Variants in C10orf67 observed in about 807,000 individuals in gnomAD.
The protein encoded by C10orf67 is uncharacterized protein C10orf67, mitochondrial.
In C10orf67, 60 loss-of-function variants were observed where a neutral mutation model predicts 35.6. That is an observed-to-expected ratio of 1.68 (90% CI 1.37 to 2.09). The LOEUF is 2.09. Ranked by LOEUF, C10orf67 falls within the 30% of genes most tolerant of loss-of-function variation. The pLI is 0.00. For missense variants in C10orf67, 474 were observed against 330.2 expected (o/e 1.44, Z -3.38); for synonymous variants, 167 against 115.8 (o/e 1.44, Z -2.84).
chr10:23,301,129 G>A (rs552995232), intron 5 of C10orf67, among the ~76,000 whole-genome samples: 82 of 152,312 alleles, frequency 5.4e-4, no homozygotes, highest in South Asian at 6.2e-4. Flanking sequence ...GGGCATAATC[G>A]GGGAATATGG....
intron 5 of C10orf67, 63 bp from the exon 6 acceptor site, chr10:23,291,342 G>C: frequency 1.5e-6 from 1 of 652,616 alleles, no homozygotes; most frequent in East Asian, 2.7e-5. Flanking sequence ...TGCAAGACAA[G>C]GACAATACAG....
chr10:23,216,388 A>C (rs1841430703), intron 15 of C10orf67, among the ~76,000 whole-genome samples: 1 of 152,206 alleles, frequency 6.6e-6, no homozygotes, highest in South Asian at 2.1e-4. Context: ...GGAACAATAC[A>C]AACTCATAAC....
chr10:23,324,946 G>A (rs1845123253), intron 2 of C10orf67, among the ~76,000 whole-genome samples: 1 of 152,082 alleles, frequency 6.6e-6, no homozygotes, highest in Non-Finnish European at 1.5e-5. Context: ...TATTTTACTG[G>A]TGAGAATATC....
chr10:23,277,861 C>A (rs1251272923), intron 8 of C10orf67, among the ~76,000 whole-genome samples: 2 of 152,120 alleles, frequency 1.3e-5, no homozygotes, highest in Non-Finnish European at 2.9e-5. Flanking sequence ...TTAATTGGCT[C>A]ACGGTTCTGC....
chr10:23,257,634 C>T (rs1281547883), intron 10 of C10orf67, among the ~76,000 whole-genome samples: 1 of 152,102 alleles, frequency 6.6e-6, no homozygotes. Flanking sequence ...AAAATTCTAT[C>T]TCTATAAAAA....
intron 5 of C10orf67, among the ~76,000 whole-genome samples, chr10:23,300,629 A>G (rs1274635741): frequency 6.6e-6 from 1 of 152,200 alleles, no homozygotes; most frequent in African/African-American, 2.4e-5. Flanking sequence ...CCAGAAAGGC[A>G]GTAGGATTTT....
At chr10:23,217,857 CT>C (rs546030938) in intron 15 of C10orf67, among the ~76,000 whole-genome samples, 75 of 152,254 alleles carry the variant, frequency 4.9e-4, no homozygotes, top group African/African-American at 1.8e-3. Context: ...TTAGCCTAAA[CT>C]TTTTTCTACT....
At chr10:23,208,758 G>C (rs12246832) in intron 15 of C10orf67, among the ~76,000 whole-genome samples, 4,634 of 152,238 alleles carry the variant, frequency 0.03, 232 homozygotes, top group African/African-American at 0.11. Context: ...CATTGACTCT[G>C]GTCTTGGCCC....
chr10:23,254,046 C>T (rs561956548), intron 10 of C10orf67, among the ~76,000 whole-genome samples: 3 of 152,244 alleles, frequency 2.0e-5, no homozygotes, highest in Admixed American at 2.0e-4. Flanking sequence ...ACACACTGGT[C>T]TTTATGTGGT....
chr10:23,253,984 A>C (rs186823886), intron 10 of C10orf67, among the ~76,000 whole-genome samples: 1 of 152,328 alleles, frequency 6.6e-6, no homozygotes, highest in East Asian at 1.9e-4. Context: ...TGTCCACATT[A>C]AACTGTCATT....
chr10:23,287,691 C>T (rs988875625), intron 7 of C10orf67, among the ~76,000 whole-genome samples: 3 of 152,132 alleles, frequency 2.0e-5, no homozygotes, highest in African/African-American at 4.8e-5. Flanking sequence ...AGGCAACCTA[C>T]AGAATGAGAA....
At chr10:23,245,968 T>C (rs959101105) in intron 12 of C10orf67, among the ~76,000 whole-genome samples, 1 of 145,858 alleles carries the variant, frequency 6.9e-6, no homozygotes, top group African/African-American at 2.5e-5. Flanking sequence ...CCATCAATGG[T>C]AAACTGGATA....
chr10:23,317,822 G>A (rs1844786533), intron 4 of C10orf67: 1 of 151,790 alleles, frequency 6.6e-6, no homozygotes, highest in South Asian at 2.1e-4. Flanking sequence ...AATTAGGCCA[G>A]CACAGTGGCT....
chr10:23,329,330 A>C (rs777543880), intron 2 of C10orf67, among the ~76,000 whole-genome samples: 1 of 152,154 alleles, frequency 6.6e-6, no homozygotes. Context: ...AGATTTACCA[A>C]AAATAAATAC....
chr10:23,326,699 C>A (rs527902916), intron 2 of C10orf67, among the ~76,000 whole-genome samples: 20 of 152,070 alleles, frequency 1.3e-4, no homozygotes, highest in Non-Finnish European at 2.6e-4. Context: ...TGATACTCAG[C>A]ATAAAAGATG....
chr10:23,291,582 T>C (rs568059974), intron 5 of C10orf67, among the ~76,000 whole-genome samples: 16 of 152,286 alleles, frequency 1.1e-4, no homozygotes, highest in African/African-American at 3.8e-4. Context: ...GGGAGGCAGC[T>C]GGGGCCCCTC....
intron 12 of C10orf67, 94 bp downstream of exon 12, chr10:23,250,361 C>T (rs566993192): frequency 7.6e-6 from 3 of 396,468 alleles, no homozygotes; most frequent in African/African-American, 6.2e-5. Flanking sequence ...GGTGATTTAA[C>T]ATTAGTATGT....
At chr10:23,281,574 T>G (rs1393203953) in intron 8 of C10orf67, among the ~76,000 whole-genome samples, 1 of 151,966 alleles carries the variant, frequency 6.6e-6, no homozygotes, top group Non-Finnish European at 1.5e-5. Context: ...GTCTGGAAAG[T>G]TCTCTTAAAA....
Position 23,344,766 on chromosome 10 carries a change from C to G in C10orf67, c.9G>C (p.Leu3Phe), listed in dbSNP as rs1433015509. The change falls in exon 1 of 16, where the codon TTG becomes TTC. Residue 3 changes from leucine (L) to phenylalanine (F), a missense_variant. By Grantham distance (22) the Leu-to-Phe change is conservative (BLOSUM62 0). Coordinates refer to ENST00000636213, the MANE Select transcript of C10orf67 (RefSeq NM_001371909.1). Reference sequence around the variant, plus strand: ...CATAATGAGCCCTGCGATCCCGGACCAAGGCCATCATAAGAGGAGAGCAGG... The same window carrying G: ...CATAATGAGCCCTGCGATCCCGGACGAAGGCCATCATAAGAGGAGAGCAGG... The part of the protein sequence containing the change: MA[L>F]VRDRRAHYVM... The G allele has an allele frequency of 6.4e-7, 1 of 1,561,198 alleles. No homozygotes were observed. The highest frequency in any genetic ancestry group is 1.2e-5 in the South Asian group (1 of 84,502).
Sources: allele counts gnomAD v4.1 joint callset (sites outside exome capture counted in the v4.1 genomes callset), GRCh38; gene constraint gnomAD v4.1.1; transcripts MANE v1.5; gene names NCBI Gene and HGNC (gene_info 2026-07-23, HGNC 2026-07-21).